PDGFRB: variants seen among roughly 807,000 people sequenced by gnomAD.
PDGFRB encodes platelet-derived growth factor receptor beta.
A neutral mutation model predicts 120.2 loss-of-function variants in PDGFRB; 42 were observed. The observed-to-expected ratio is 0.35, with a 90% CI of 0.27 to 0.45. PDGFRB has a LOEUF of 0.45. Among genes scored for constraint, PDGFRB ranks in the 20% least tolerant of loss-of-function variants. The pLI is 1.00. For synonymous variants in PDGFRB, 586 were observed against 606.8 expected, an observed-to-expected ratio of 0.97 and a Z score of 0.50; for missense variants, 1,149 against 1,476.3, an observed-to-expected ratio of 0.78 and a Z score of 3.63.
Position 150,120,909 on chromosome 5 carries a change from C to T in PDGFRB, c.2565G>A (p.Ser855=), listed in dbSNP as rs201473517. ...FGLARDIMRD[S]NYISKGSTFL... ...TCACGCTGCCTTTGGAGATGTAATT[C>T]GAGTCCCGCATGATGTCTCGAGCCA... Residue 855 remains serine (S), a synonymous_variant, in exon 18 of 23, where the codon TCG becomes TCA. Transcript: ENST00000261799. The surrounding 1 kb of genome is among the most constrained non-coding windows in gnomAD (Gnocchi z 4.3). The T allele has an allele frequency of 3.7e-5, 60 of 1,613,936 alleles. No homozygotes were observed. Among genetic ancestry groups the T allele is most frequent in the African/African-American group, 5.3e-5 (4 of 74,900 alleles).
chr5:150,135,515 A>G, intron 3 of PDGFRB, 40 bp downstream of exon 3: 1 of 1,277,716 alleles, frequency 7.8e-7, no homozygotes, highest in East Asian at 2.3e-5. Context: ...CCAGTTGACA[A>G]GAGGGGTAAG....
At chr5:150,134,035 TG>T (rs34579171) in intron 4 of PDGFRB, 27 bp from the exon 5 acceptor site, 1 of 1,612,450 alleles carries the variant, frequency 6.2e-7, no homozygotes. Context: ...GGCTTAGGTC[TG>T]GGGAAGTCAC....
At chr5:150,142,935 G>GA (rs754537104) in intron 1 of PDGFRB, among the ~76,000 whole-genome samples, 19 of 152,190 alleles carry the variant, frequency 1.2e-4, no homozygotes, top group Non-Finnish European at 2.4e-4. Flanking sequence ...GAAGTGAGGT[G>GA]ATGGCGTAAG....
At chr5:150,119,596 A>G in intron 19 of PDGFRB, 30 bp from the exon 20 acceptor site, 2 of 1,364,808 alleles carry the variant, frequency 1.5e-6, no homozygotes, top group Non-Finnish European at 2.1e-6. Context: ...AGAGATACAC[A>G]GGCTCAGGGG....
chr5:150,136,794 G>A lies in PDGFRB; in HGVS notation c.40+214C>T, dbSNP rs79805903. Among the ~76,000 whole-genome samples, 3,385 of 152,252 alleles carry A rather than the reference G, an allele frequency of 0.022. 117 individuals carry two copies. The highest frequency in any genetic ancestry group is 0.077 in the African/African-American group (3,216 of 41,526). On this transcript the variant is annotated intron_variant, in intron 2 of 22. Transcript: ENST00000261799. ...TCAAAGGATTTGAGCTGATGGTTCTGGACAAGCAGGGGCCCACTGACGCTT... is the reference window on the plus strand; with the variant it reads ...TCAAAGGATTTGAGCTGATGGTTCTAGACAAGCAGGGGCCCACTGACGCTT...
Position 150,121,891 on chromosome 5 carries a change from T to C in PDGFRB, c.2333A>G (p.Tyr778Cys), listed in dbSNP as rs1424362830. The change falls in exon 16 of 23, where the codon TAC (tyrosine) becomes TGC (cysteine). Residue 778 changes from tyrosine (Y) to cysteine (C), a missense_variant. Coordinates refer to ENST00000261799, the MANE Select transcript of PDGFRB (RefSeq NM_002609.4). This position sits in a 1 kb window ranked among gnomAD's most constrained non-coding sequence, Gnocchi z 4.1. The part of the protein sequence containing the change: ...SSNYMAPYDN[Y>C]VPSAPERTCR... The stretch of plus-strand genomic sequence containing the variant: ...CTATGTCCACCCACCAGAGGGAACG[T>C]AGTTATCGTAAGGGGCCATGTAGTT... 4 of 1,612,562 alleles carry C rather than the reference T, an allele frequency of 2.5e-6. No homozygotes were observed. The South Asian group carries it at 4.4e-5, about 18-fold the overall frequency.
At chr5:150,150,037 G>A (rs1373254062) in intron 1 of PDGFRB, among the ~76,000 whole-genome samples, 3 of 152,226 alleles carry the variant, frequency 2.0e-5, no homozygotes, top group Non-Finnish European at 4.4e-5. Flanking sequence ...GAATGAAGAA[G>A]TGGTATGGCC....
chr5:150,123,353 CCT>C (rs1760202666), intron 14 of PDGFRB, 152 bp from the exon 15 acceptor site: 1 of 625,490 alleles, frequency 1.6e-6, no homozygotes, highest in African/African-American at 1.8e-5. Context: ...TCTTTTCCTG[CCT>C]CTGTGGTGGA....
In PDGFRB at chr5:150,135,036, G is replaced by C. The variant is rs1344755229; in HGVS notation, c.365-20C>G. ...TGGGATCTGCCAGGAGTGGAGCCGTGAATAAATCAGGGGAACTGGGTTTCT... is the reference window on the plus strand; with the variant it reads ...TGGGATCTGCCAGGAGTGGAGCCGTCAATAAATCAGGGGAACTGGGTTTCT... On this transcript the variant is annotated intron_variant, in intron 3 of 22. Coordinates refer to ENST00000261799, the MANE Select transcript of PDGFRB (RefSeq NM_002609.4). 1 of 1,314,024 alleles carries C rather than the reference G, an allele frequency of 7.6e-7. No homozygotes were observed. Among genetic ancestry groups the C allele is most frequent in the Non-Finnish European group, 1.1e-6 (1 of 924,644 alleles). 81.4% of individuals were successfully genotyped at this position (1,314,024 alleles called of 1,614,324 possible).
At chr5:150,119,909 C>T in intron 19 of PDGFRB, 103 bp downstream of exon 19, 1 of 736,326 alleles carries the variant, frequency 1.4e-6, no homozygotes, top group Middle Eastern at 2.4e-4. Flanking sequence ...ACCAGGATCC[C>T]TGTATCAGGG....
chr5:150,142,866 CT>C (rs1162102010), intron 1 of PDGFRB, among the ~76,000 whole-genome samples: 1 of 152,176 alleles, frequency 6.6e-6, no homozygotes, highest in Non-Finnish European at 1.5e-5. Flanking sequence ...AAATATCTTA[CT>C]GTATCGTTCA....
intron 1 of PDGFRB, among the ~76,000 whole-genome samples, chr5:150,144,461 G>A (rs1760865578): frequency 6.6e-6 from 1 of 152,112 alleles, no homozygotes; most frequent in South Asian, 2.1e-4. Context: ...GGCCTCCCCA[G>A]GGAACACAAT....
At chr5:150,123,391 C>T (rs1383496644) in intron 14 of PDGFRB, among the ~76,000 whole-genome samples, 190 bp from the exon 15 acceptor site, 1 of 152,170 alleles carries the variant, frequency 6.6e-6, no homozygotes, top group African/African-American at 2.4e-5. Flanking sequence ...TCTCCCTGAG[C>T]CTTACCTTCC....
chr5:150,114,157 C>G lies in PDGFRB; in HGVS notation c.*1606G>C, dbSNP rs2113877272. The G allele has an allele frequency of 4.3e-6, 1 of 233,380 alleles. No homozygotes were observed. Among genetic ancestry groups the G allele is most frequent in the East Asian group, 6.0e-5 (1 of 16,550 alleles). The allele number at this position is 233,380 out of a possible 1,614,324, so 14.5% of individuals were successfully genotyped here. On this transcript the variant is annotated 3_prime_UTR_variant, in exon 23 of 23. Transcript: ENST00000261799. The stretch of plus-strand genomic sequence containing the variant: ...GTGCGGGGGCGTCTTGGCTACAACC[C>G]TGACTCCCCTGGCACCTCCAATGCC...
In PDGFRB at chr5:150,115,788, G is replaced by A. The variant is rs373655593; in HGVS notation, c.3296C>T (p.Ala1099Val). The A allele has an allele frequency of 2.4e-5, 39 of 1,609,968 alleles. No homozygotes were observed. The highest frequency in any genetic ancestry group is 3.3e-5 in the Admixed American group (2 of 59,734). The change falls in exon 23 of 23, where the codon GCG becomes GTG. Residue 1099 changes from alanine to valine, a missense_variant. Physicochemically the swap from Ala to Val is moderately conservative, Grantham distance 64 (BLOSUM62 0). Around this residue, in one of 3 missense-constraint regions of PDGFRB, gnomAD observed 202 missense variants for 214.3 expected, o/e 0.94. Coordinates refer to ENST00000261799, the MANE Select transcript of PDGFRB (RefSeq NM_002609.4). ...LPDSGCPAPR[A>V]EAEDSFL ...CTACAGGAAGCTATCCTCTGCTTCC[G>A]CCCGAGGCGCAGGGCACCCCGAATC...
chr5:150,125,392 T>G, intron 12 of PDGFRB, 53 bp downstream of exon 12: 1 of 1,544,698 alleles, frequency 6.5e-7, no homozygotes, highest in Admixed American at 1.8e-5. Flanking sequence ...TCAGAGAGTC[T>G]TCCCACCCAA....
chr5:150,154,682 G>T (rs934084410), intron 1 of PDGFRB, among the ~76,000 whole-genome samples: 1 of 152,144 alleles, frequency 6.6e-6, no homozygotes, highest in Non-Finnish European at 1.5e-5. Context: ...CAACGAGGAG[G>T]CCTGAGCAGC....
chr5:150,136,518 G>T (rs1253705110), intron 2 of PDGFRB, among the ~76,000 whole-genome samples: 2 of 152,192 alleles, frequency 1.3e-5, no homozygotes, highest in Non-Finnish European at 2.9e-5. Flanking sequence ...CAGGCAGCCA[G>T]TCCATCTTAT....
chr5:150,129,898 C>T lies in PDGFRB; in HGVS notation c.1438G>A (p.Val480Met), dbSNP rs146931547. ...SEEESQLETN[V>M]TYWEEEQEFE... is the part of the protein sequence containing the mutation. The stretch of plus-strand genomic sequence containing the variant: ...TCCTGCTCCTCCTCCCAGTACGTCA[C>T]GTTAGTCTCCAGCTGGCTCTCCTCT... Residue 480 changes from valine to methionine, a missense_variant, in exon 10 of 23, where the codon GTG becomes ATG. By Grantham distance (21) the Val-to-Met change is conservative. This residue lies in a region of PDGFRB where 879 missense variants were observed against 1,108.6 expected (regional missense o/e 0.79). Coordinates refer to ENST00000261799, the MANE Select transcript of PDGFRB (RefSeq NM_002609.4). 80 of 1,614,214 alleles carry T rather than the reference C, an allele frequency of 5.0e-5. 3 individuals are homozygous for T. In the African/African-American group the frequency reaches 9.9e-4, roughly 20 times the overall value.
Sources: allele counts gnomAD v4.1 joint callset (sites outside exome capture counted in the v4.1 genomes callset), GRCh38; gene constraint gnomAD v4.1.1; regional missense constraint gnomAD v4.1.1; non-coding constraint Gnocchi (gnomAD v3.1); transcripts MANE v1.5; gene names NCBI Gene and HGNC (gene_info 2026-07-23, HGNC 2026-07-21).